RUNX1: variants seen among roughly 807,000 people sequenced by gnomAD.
The protein encoded by RUNX1 is RUNX family transcription factor 1, also known as runt-related transcription factor 1.
A neutral mutation model predicts 42.8 loss-of-function variants in RUNX1; 19 were observed. The observed-to-expected ratio is 0.44, with a 90% CI of 0.31 to 0.65. The LOEUF (loss-of-function observed/expected upper bound fraction) is 0.65. RUNX1 is among the 30% of genes least tolerant of loss of function. RUNX1 has a pLI of 0.07. For synonymous variants in RUNX1, 271 were observed against 289.4 expected (o/e 0.94, Z 0.64); for missense variants, 528 against 672.0 (o/e 0.79, Z 2.37).
chr21:35,012,785 A>G (rs370683075), intron 2 of RUNX1, among the ~76,000 whole-genome samples: 1 of 152,232 alleles, frequency 6.6e-6, no homozygotes, highest in East Asian at 1.9e-4. Context: ...GAGAAAGGAA[A>G]GTGTTCTCGG....
chr21:34,930,270 G>GTATATATATATATATATATATA (rs1555906427), intron 2 of RUNX1, among the ~76,000 whole-genome samples: 1 of 123,018 alleles, frequency 8.1e-6, no homozygotes, highest in African/African-American at 3.8e-5. Flanking sequence ...GTGTGTGTAT[G>GTATATATATATATATATATATA]TATATATATA....
chr21:34,827,698 G>A (rs1057046571), intron 7 of RUNX1, among the ~76,000 whole-genome samples: 1 of 152,128 alleles, frequency 6.6e-6, no homozygotes, highest in African/African-American at 2.4e-5. Flanking sequence ...GCACACCTTG[G>A]CCACCCCAGC....
chr21:34,890,065 G>A (rs2058061392), intron 3 of RUNX1, among the ~76,000 whole-genome samples: 1 of 152,122 alleles, frequency 6.6e-6, no homozygotes. Context: ...TGCTGTGGCC[G>A]CTGCCGCGCA....
chr21:34,834,629 GA>G, intron 6 of RUNX1, 28 bp from the exon 7 acceptor site: 4 of 1,077,422 alleles, frequency 3.7e-6, no homozygotes, highest in Non-Finnish European at 2.8e-6. Context: ...GAGGGGAGGG[GA>G]TGGGGGGAGG....
At chr21:34,889,700 G>C in intron 3 of RUNX1, 1 of 1,173,836 alleles carries the variant, frequency 8.5e-7, no homozygotes, top group Non-Finnish European at 1.1e-6. Flanking sequence ...GCGGGCGGCC[G>C]CTTCCCCCTG....
At chr21:34,805,269 G>A (rs981794856) in intron 7 of RUNX1, among the ~76,000 whole-genome samples, 3 of 152,170 alleles carry the variant, frequency 2.0e-5, no homozygotes, top group Non-Finnish European at 2.9e-5. Context: ...TGGAATACCA[G>A]ATGGAGAAGA....
Position 34,971,429 on chromosome 21 carries a change from T to A in RUNX1, c.58+77413A>T, listed in dbSNP as rs564199344. Among the ~76,000 whole-genome samples the A allele has an allele frequency of 4.6e-5, 7 of 152,298 alleles. No individual in the cohort carries two copies. The South Asian group carries it at 1.4e-3, about 32-fold the overall frequency. On this transcript the variant is annotated intron_variant, in intron 2 of 8. Transcript: ENST00000675419. ...TCACTCTAAAGAATGATAATTCTTTTGCTTTATCTTAAGAAGGTACTTTAC... is the reference window on the plus strand; with the variant it reads ...TCACTCTAAAGAATGATAATTCTTTAGCTTTATCTTAAGAAGGTACTTTAC...
intron 2 of RUNX1, among the ~76,000 whole-genome samples, chr21:35,020,529 C>T (rs570909087): frequency 1.3e-5 from 2 of 152,054 alleles, no homozygotes; most frequent in East Asian, 1.9e-4. Context: ...CAATGAGACC[C>T]GAAAGAGTTT....
chr21:34,926,988 T>C (rs1187992051), intron 2 of RUNX1, among the ~76,000 whole-genome samples: 4 of 152,276 alleles, frequency 2.6e-5, no homozygotes, highest in South Asian at 4.1e-4. Flanking sequence ...AGAGGTCCCT[T>C]TGGCTAAAGC....
intron 4 of RUNX1, among the ~76,000 whole-genome samples, chr21:34,882,059 C>T (rs2057913201): frequency 6.6e-6 from 1 of 152,180 alleles, no homozygotes; most frequent in Admixed American, 6.5e-5. Context: ...ATTCCTTAAT[C>T]TAGTGTTATC....
chr21:34,952,080 C>A (rs1427879212), intron 2 of RUNX1, among the ~76,000 whole-genome samples: 3 of 152,144 alleles, frequency 2.0e-5, no homozygotes, highest in African/African-American at 7.2e-5. Context: ...TTTGCAGGGA[C>A]ATGGATGAAG....
At chr21:34,939,670 A>T (rs2058512400) in intron 2 of RUNX1, among the ~76,000 whole-genome samples, 1 of 152,122 alleles carries the variant, frequency 6.6e-6, no homozygotes, top group Admixed American at 6.5e-5. Flanking sequence ...GAGAGGACCT[A>T]AAAAAACCTT....
At chr21:35,048,619 A>G (rs1236810183) in intron 2 of RUNX1, among the ~76,000 whole-genome samples, 7 of 152,238 alleles carry the variant, frequency 4.6e-5, no homozygotes, top group Admixed American at 2.0e-4. Context: ...ACACTCCAAC[A>G]GCATAACTAA....
chr21:34,991,351 G>A (rs1033460241), intron 2 of RUNX1, among the ~76,000 whole-genome samples: 21 of 152,208 alleles, frequency 1.4e-4, no homozygotes, highest in African/African-American at 4.3e-4. Flanking sequence ...AGCCTGGGTA[G>A]GCGCCCTGCC....
chr21:34,863,591 G>C (rs552205573), intron 5 of RUNX1, among the ~76,000 whole-genome samples: 1 of 116,782 alleles, frequency 8.6e-6, no homozygotes, highest in Non-Finnish European at 1.6e-5. Context: ...GTCTTGCACT[G>C]TCTCCTGGGC....
chr21:34,894,969 A>G lies in RUNX1; in HGVS notation c.59-2006T>C, dbSNP rs567283723. Among the ~76,000 whole-genome samples the G allele has an allele frequency of 6.0e-4, 91 of 151,548 alleles. 2 individuals are homozygous for G. In the Middle Eastern group the frequency reaches 0.024, roughly 40 times the overall value. On this transcript the variant is annotated intron_variant, in intron 2 of 8. Transcript: ENST00000675419. Reference sequence around the variant, plus strand: ...TATAGGTCCACATGCATGGTAAGCTATGTTCCTTTTGGATCATGATTATTT... The same window carrying G: ...TATAGGTCCACATGCATGGTAAGCTGTGTTCCTTTTGGATCATGATTATTT...
chr21:34,834,240 A>G (rs1243188305), intron 7 of RUNX1, 170 bp downstream of exon 7: 2 of 743,018 alleles, frequency 2.7e-6, no homozygotes, highest in South Asian at 2.9e-5. Context: ...GTGGGGCCCA[A>G]GACTCTGCAT....
At chr21:35,013,945 T>G (rs75044373) in intron 2 of RUNX1, among the ~76,000 whole-genome samples, 5 of 152,318 alleles carry the variant, frequency 3.3e-5, no homozygotes, top group African/African-American at 1.2e-4. Flanking sequence ...TCATAACATT[T>G]TAAAAGAGAC....
chr21:34,791,772 TTC>T lies in RUNX1; in HGVS notation c.*361_*362del, dbSNP rs1342261941. 4.4e-6 allele frequency: 1 copy of T among 226,946 alleles called. No individual in the cohort carries two copies. Among genetic ancestry groups the T allele is most frequent in the Non-Finnish European group, 8.8e-6 (1 of 113,778 alleles). The allele number at this position is 226,946 out of a possible 1,614,324, so 14.1% of individuals were successfully genotyped here. A position where few individuals can be genotyped will look rare whatever the true frequency, so the allele number is the denominator to read the frequency against. On this transcript the variant is annotated 3_prime_UTR_variant, in exon 9 of 9. Coordinates refer to ENST00000675419, the MANE Select transcript of RUNX1 (RefSeq NM_001754.5). ...AAGTTAAGTCAAGGGTATAAAATCTTTCTTTTTATTCACAGCATTGCTAAATC... is the reference window on the plus strand; with the variant it reads ...AAGTTAAGTCAAGGGTATAAAATCTTTTTTTATTCACAGCATTGCTAAATC...
Sources: gnomAD v4.1 joint callset for allele counts (sites outside exome capture counted in the v4.1 genomes callset) on GRCh38, gnomAD v4.1.1 for gene constraint, MANE v1.5 for transcripts, NCBI Gene and HGNC (gene_info 2026-07-23, HGNC 2026-07-21) for gene names.